The following HPSE2 variants were observed in gnomAD, a reference collection of about 807,000 sequenced individuals.
HPSE2 encodes heparanase 2 (inactive).
Under a neutral mutation model 60.5 loss-of-function variants are expected in HPSE2, and 38 were observed. That is an observed-to-expected ratio of 0.63 (90% CI 0.48 to 0.82). HPSE2 has a LOEUF of 0.82. Ranked by LOEUF, HPSE2 falls within the 40% of genes least tolerant of loss-of-function variation. HPSE2 has a pLI of 0.00. For synonymous variants in HPSE2, 295 were observed against 293.2 expected (o/e 1.01, Z -0.06); for missense variants, 713 against 740.4 (o/e 0.96, Z 0.43).
chr10:98,820,623 C>T (rs1191339410), intron 3 of HPSE2, among the ~76,000 whole-genome samples: 1 of 152,130 alleles, frequency 6.6e-6, no homozygotes, highest in African/African-American at 2.4e-5. Context: ...CTTAAGGTAC[C>T]CCAATCATCA....
chr10:99,262,559 A>G, the HPSE2 span, among the ~76,000 whole-genome samples: 1 of 151,920 alleles, frequency 6.6e-6, no homozygotes, highest in Non-Finnish European at 1.5e-5. Flanking sequence ...CATCACCCTT[A>G]CCCTGCTTAA....
intron 3 of HPSE2, among the ~76,000 whole-genome samples, chr10:99,043,613 A>T (rs1485227584): frequency 6.6e-6 from 1 of 152,224 alleles, no homozygotes; most frequent in Non-Finnish European, 1.5e-5. Flanking sequence ...AACCCAATCC[A>T]AGGAATGCAG....
At chr10:98,967,976 G>C (rs1199547645) in intron 3 of HPSE2, among the ~76,000 whole-genome samples, 1 of 152,094 alleles carries the variant, frequency 6.6e-6, no homozygotes, top group Non-Finnish European at 1.5e-5. Context: ...CTCCTGGCTT[G>C]AACAATGAAT....
chr10:99,216,477 G>A (rs1030739146), intron 2 of HPSE2, among the ~76,000 whole-genome samples: 10 of 56,714 alleles, frequency 1.8e-4, no homozygotes, highest in African/African-American at 9.7e-4. Context: ...TTACAGGCAT[G>A]AGCCACTGCA....
At chr10:98,868,346 G>A (rs951325102) in intron 3 of HPSE2, among the ~76,000 whole-genome samples, 2 of 152,036 alleles carry the variant, frequency 1.3e-5, no homozygotes, top group African/African-American at 4.8e-5. Context: ...CAGAGACTGA[G>A]AAGAGTAGGG....
chr10:98,463,559 T>C (rs1225662947), intron 11 of HPSE2, among the ~76,000 whole-genome samples: 1 of 152,136 alleles, frequency 6.6e-6, no homozygotes, highest in Non-Finnish European at 1.5e-5. Flanking sequence ...CCCAGCACTT[T>C]GGGAGGCTGA....
chr10:99,246,816 A>C, the HPSE2 span, among the ~76,000 whole-genome samples: 1 of 152,298 alleles, frequency 6.6e-6, no homozygotes, highest in Middle Eastern at 3.4e-3. Flanking sequence ...GCATCACAAT[A>C]ATTACTAAAA....
At chr10:99,274,039 T>C in the HPSE2 span, among the ~76,000 whole-genome samples, 2 of 151,812 alleles carry the variant, frequency 1.3e-5, no homozygotes, top group South Asian at 2.1e-4. Flanking sequence ...AAAGAATAGC[T>C]ACATGCCTAT....
chr10:99,128,659 A>G (rs756080597), intron 3 of HPSE2, among the ~76,000 whole-genome samples: 27 of 152,068 alleles, frequency 1.8e-4, no homozygotes, highest in Non-Finnish European at 3.7e-4. Context: ...GGAGGGAAAC[A>G]ACACATACTG....
At chr10:98,907,321 TAAG>T (rs1026105203) in intron 3 of HPSE2, among the ~76,000 whole-genome samples, 2 of 152,170 alleles carry the variant, frequency 1.3e-5, no homozygotes, top group African/African-American at 4.8e-5. Context: ...TATGAAATCT[TAAG>T]GAGGAAGTAT....
intron 3 of HPSE2, among the ~76,000 whole-genome samples, chr10:99,080,143 T>C (rs1456160098): frequency 1.3e-5 from 2 of 152,182 alleles, no homozygotes; most frequent in Admixed American, 1.3e-4. Flanking sequence ...GTTAAACAGA[T>C]GTGTTTGTGC....
intron 3 of HPSE2, among the ~76,000 whole-genome samples, chr10:98,959,358 GAAAA>G (rs540992148): frequency 3.4e-4 from 26 of 77,448 alleles, no homozygotes; most frequent in East Asian, 1.7e-3. Flanking sequence ...ACTATCTCTG[GAAAA>G]AAAAAAAAAA....
In HPSE2 at chr10:98,937,313, G is replaced by C. The variant is rs576906248; in HGVS notation, c.611-193257C>G. The stretch of plus-strand genomic sequence containing the variant: ...CCTCACTCAGGAAGTGCAAGGAGTC[G>C]GGGAGTTCCCTTTCCTAGTCAAAGA... On this transcript the variant is annotated intron_variant, in intron 3 of 11. Coordinates refer to ENST00000370552, the MANE Select transcript of HPSE2 (RefSeq NM_021828.5). Among the ~76,000 whole-genome samples the C allele has an allele frequency of 1.2e-4, 17 of 144,570 alleles. 6 individuals carry two copies. The highest frequency in any genetic ancestry group is 4.7e-4 in the African/African-American group (17 of 35,836). 94.8% of individuals were successfully genotyped at this position (144,570 alleles called of 152,430 possible).
chr10:98,621,366 C>G (rs1004675572), intron 7 of HPSE2, among the ~76,000 whole-genome samples: 2 of 152,120 alleles, frequency 1.3e-5, no homozygotes, highest in African/African-American at 4.8e-5. Context: ...ATGGCCTAGT[C>G]TCTGACCCAC....
In HPSE2 at chr10:98,932,705, G is replaced by A. The variant is rs1325714783; in HGVS notation, c.611-188649C>T. ...CAACTTCTTTCTGGTGCAGTCTTGG[G>A]AGGGTGTATGTGTCCAGGAATTTAT... On this transcript the variant is annotated intron_variant, in intron 3 of 11. Coordinates refer to ENST00000370552, the MANE Select transcript of HPSE2 (RefSeq NM_021828.5). 9.1e-5 allele frequency among the ~76,000 whole-genome samples: 13 copies of A among 142,636 alleles called. 2 individuals are homozygous for A. Among genetic ancestry groups the A allele is most frequent in the African/African-American group, 3.8e-4 (13 of 34,648 alleles). 93.6% of individuals were successfully genotyped at this position (142,636 alleles called of 152,430 possible).
chr10:98,599,354 G>A (rs1227090217), intron 9 of HPSE2, among the ~76,000 whole-genome samples: 3 of 152,190 alleles, frequency 2.0e-5, no homozygotes, highest in Non-Finnish European at 4.4e-5. Context: ...GGCTAAGACT[G>A]CAGGGGTGGT....
At chr10:98,982,742 C>T (rs1020364370) in intron 3 of HPSE2, among the ~76,000 whole-genome samples, 26 of 152,194 alleles carry the variant, frequency 1.7e-4, no homozygotes, top group Admixed American at 9.8e-4. Flanking sequence ...ACTGTGCTTA[C>T]TGTACTAATC....
chr10:99,178,473 C>T (rs1847622694), intron 2 of HPSE2, among the ~76,000 whole-genome samples: 1 of 151,812 alleles, frequency 6.6e-6, no homozygotes, highest in Non-Finnish European at 1.5e-5. Context: ...AAACTACCAT[C>T]AGAGAATACT....
chr10:98,827,580 C>A (rs1951581922), intron 3 of HPSE2, among the ~76,000 whole-genome samples: 1 of 152,030 alleles, frequency 6.6e-6, no homozygotes, highest in Non-Finnish European at 1.5e-5. Flanking sequence ...CAGAAAAGGG[C>A]AGAAAGATGT....
Sources: allele counts gnomAD v4.1 joint callset (sites outside exome capture counted in the v4.1 genomes callset), GRCh38; gene constraint gnomAD v4.1.1; transcripts MANE v1.5; gene names NCBI Gene and HGNC (gene_info 2026-07-23, HGNC 2026-07-21).